PEBP4: variants seen among roughly 807,000 people sequenced by gnomAD.
The protein encoded by PEBP4 is phosphatidylethanolamine-binding protein 4.
A neutral mutation model predicts 23.9 loss-of-function variants in PEBP4; 22 were observed. The observed-to-expected ratio is 0.92, with a 90% CI of 0.66 to 1.31. The LOEUF (loss-of-function observed/expected upper bound fraction) is 1.31. PEBP4 is among the 40% of genes most tolerant of loss of function. PEBP4 has a pLI of 0.00. For synonymous variants in PEBP4, 112 were observed against 99.3 expected (o/e 1.13, Z -0.76); for missense variants, 324 against 281.7 (o/e 1.15, Z -1.07).
chr8:22,920,050 A>G, intron 3 of PEBP4, 134 bp downstream of exon 3: 1 of 1,078,268 alleles, frequency 9.3e-7, no homozygotes, highest in South Asian at 1.8e-5. Context: ...ACTTTATGGC[A>G]ACAGCCATCT....
At chr8:22,807,901 AC>A (rs1320526169) in intron 4 of PEBP4, among the ~76,000 whole-genome samples, 1 of 150,728 alleles carries the variant, frequency 6.6e-6, no homozygotes, top group Non-Finnish European at 1.5e-5. Flanking sequence ...CCATCCACCC[AC>A]CCAACCTCTG....
chr8:22,864,254 ACCAGCCCCTTCCCTC>A (rs891168919), intron 3 of PEBP4, among the ~76,000 whole-genome samples: 2 of 152,196 alleles, frequency 1.3e-5, no homozygotes, highest in Non-Finnish European at 2.9e-5. Flanking sequence ...CAAACACAGG[ACCAGCCCCTTCCCTC>A]CCTCCTTGCC....
intron 4 of PEBP4, among the ~76,000 whole-genome samples, chr8:22,778,638 T>C (rs1197824968): frequency 6.6e-6 from 1 of 152,176 alleles, no homozygotes; most frequent in East Asian, 1.9e-4. Flanking sequence ...CTTCTGCTGA[T>C]GGAGCGGGCC....
chr8:22,785,366 G>A (rs1806006903), intron 4 of PEBP4, among the ~76,000 whole-genome samples: 1 of 152,104 alleles, frequency 6.6e-6, no homozygotes, highest in Non-Finnish European at 1.5e-5. Flanking sequence ...TGGCCCAAGT[G>A]CCCCTCTGCA....
At chr8:22,902,794 T>C (rs1003615093) in intron 3 of PEBP4, among the ~76,000 whole-genome samples, 5 of 151,610 alleles carry the variant, frequency 3.3e-5, no homozygotes, top group Non-Finnish European at 5.9e-5. Flanking sequence ...ATCAAGGGAG[T>C]TTGTCAAAAG....
At chr8:22,792,018 G>A (rs1460671460) in intron 4 of PEBP4, among the ~76,000 whole-genome samples, 1 of 144,988 alleles carries the variant, frequency 6.9e-6, no homozygotes, top group African/African-American at 2.5e-5. Flanking sequence ...CACCACGCCT[G>A]GCTAAGAACT....
intron 3 of PEBP4, among the ~76,000 whole-genome samples, chr8:22,908,721 T>TA (rs1443153800): frequency 6.6e-6 from 1 of 152,042 alleles, no homozygotes; most frequent in Non-Finnish European, 1.5e-5. Context: ...TCCTGCTAGG[T>TA]ATTCGTACTC....
chr8:22,792,731 A>C (rs1182814221), intron 4 of PEBP4, among the ~76,000 whole-genome samples: 1 of 152,014 alleles, frequency 6.6e-6, no homozygotes, highest in Non-Finnish European at 1.5e-5. Context: ...TGCCCATGGG[A>C]GCTGTTGGCC....
intron 6 of PEBP4, among the ~76,000 whole-genome samples, chr8:22,715,237 G>C (rs6558179): frequency 0.73 from 111,526 of 152,200 alleles, 41,415 homozygotes; most frequent in African/African-American, 0.85. Flanking sequence ...GCCTCTCCCG[G>C]TGGAGGTGTA....
intron 3 of PEBP4, among the ~76,000 whole-genome samples, chr8:22,899,145 TG>T (rs1808657482): frequency 6.6e-6 from 1 of 152,196 alleles, no homozygotes; most frequent in Non-Finnish European, 1.5e-5. Context: ...CTCAAAGCAT[TG>T]TTGGGAAGAT....
At chr8:22,794,552 T>C (rs1806204610) in intron 4 of PEBP4, among the ~76,000 whole-genome samples, 1 of 152,260 alleles carries the variant, frequency 6.6e-6, no homozygotes, top group South Asian at 2.1e-4. Context: ...CCCAAAGTGC[T>C]GGGATGACAA....
intron 3 of PEBP4, among the ~76,000 whole-genome samples, chr8:22,916,272 G>C (rs967314658): frequency 6.6e-6 from 1 of 152,186 alleles, no homozygotes; most frequent in African/African-American, 2.4e-5. Flanking sequence ...AGCTTCTCAG[G>C]GGCCTTTCAG....
chr8:22,819,094 T>C (rs1806805815), intron 3 of PEBP4, among the ~76,000 whole-genome samples: 1 of 152,094 alleles, frequency 6.6e-6, no homozygotes. Flanking sequence ...GGTGAATAAA[T>C]TTGGTAGTCA....
chr8:22,860,335 A>ATTT (rs1324791364), intron 3 of PEBP4, among the ~76,000 whole-genome samples: 21 of 151,586 alleles, frequency 1.4e-4, no homozygotes, highest in African/African-American at 5.1e-4. Flanking sequence ...GATCTCCAGA[A>ATTT]TGCTTTTCAT....
intron 3 of PEBP4, among the ~76,000 whole-genome samples, chr8:22,818,169 C>T (rs186118877): frequency 6.6e-6 from 1 of 152,322 alleles, no homozygotes; most frequent in African/African-American, 2.4e-5. Flanking sequence ...TCACAAAGAA[C>T]ACCAGGATTC....
At chr8:22,769,621 C>T (rs974231784) in intron 4 of PEBP4, among the ~76,000 whole-genome samples, 4 of 152,168 alleles carry the variant, frequency 2.6e-5, no homozygotes, top group Non-Finnish European at 4.4e-5. Context: ...CCTCCCCACC[C>T]GAATGCCTCT....
chr8:22,847,694 C>G (rs193160276), intron 3 of PEBP4, among the ~76,000 whole-genome samples: 6 of 152,092 alleles, frequency 3.9e-5, no homozygotes, highest in Non-Finnish European at 7.4e-5. Context: ...AGCCCCTGTC[C>G]CCTTCCCTAC....
intron 4 of PEBP4, among the ~76,000 whole-genome samples, chr8:22,790,029 G>T (rs978056736): frequency 2.0e-5 from 3 of 152,224 alleles, no homozygotes; most frequent in African/African-American, 7.2e-5. Flanking sequence ...CCCCATGGCC[G>T]CTCCGTCATC....
intron 3 of PEBP4, among the ~76,000 whole-genome samples, chr8:22,858,487 T>TTAAG (rs1807702927): frequency 6.6e-6 from 1 of 152,210 alleles, no homozygotes; most frequent in African/African-American, 2.4e-5. Flanking sequence ...ATGCAGAGTA[T>TTAAG]TAAGTATCTC....
Sources: allele counts gnomAD v4.1 joint callset (sites outside exome capture counted in the v4.1 genomes callset), GRCh38; gene constraint gnomAD v4.1.1; transcripts MANE v1.5; gene names NCBI Gene and HGNC (gene_info 2026-07-23, HGNC 2026-07-21).